The following INF2 variants were observed in gnomAD, a reference collection of about 807,000 sequenced individuals.
The protein encoded by INF2 is inverted formin-2.
Under a neutral mutation model 123.5 loss-of-function variants are expected in INF2, and 43 were observed. The observed-to-expected ratio is 0.35, with a 90% CI of 0.27 to 0.45. INF2 has a LOEUF of 0.45. INF2 is among the 20% of genes least tolerant of loss of function. The pLI is 1.00. For missense variants in INF2, 1,453 were observed against 1,682.7 expected, an observed-to-expected ratio of 0.86 and a Z score of 2.39; for synonymous variants, 851 against 745.0, an observed-to-expected ratio of 1.14 and a Z score of -2.32.
intron 1 of INF2, among the ~76,000 whole-genome samples, chr14:104,698,273 C>T (rs150768446): frequency 3.9e-5 from 6 of 152,354 alleles, no homozygotes; most frequent in East Asian, 1.9e-4. Flanking sequence ...CCCATAGCCC[C>T]GTGCCCCTGA....
exon 1 of INF2, chr14:104,681,423 T>G: frequency 1.9e-6 from 1 of 513,632 alleles, no homozygotes; most frequent in Non-Finnish European, 3.6e-6. Context: ...ATGTCACATC[T>G]GGCTCTCAGA....
At chr14:104,703,560 C>A in intron 4 of INF2, 106 bp downstream of exon 4, 1 of 1,443,904 alleles carries the variant, frequency 6.9e-7, no homozygotes. Context: ...AAGCTGCCCC[C>A]GACCCAGGGC....
At chr14:104,710,357 G>T (rs1595174690) in intron 13 of INF2, among the ~76,000 whole-genome samples, 169 bp downstream of exon 13, 1 of 46,466 alleles carries the variant, frequency 2.2e-5, no homozygotes, top group Non-Finnish European at 6.0e-5. Flanking sequence ...CCACCACCTC[G>T]GTGCACACAC....
At chr14:104,690,990 G>GCC (rs1294263902) in intron 1 of INF2, among the ~76,000 whole-genome samples, 19 of 151,834 alleles carry the variant, frequency 1.3e-4, no homozygotes, top group African/African-American at 4.4e-4. Context: ...GGTTGGTGCA[G>GCC]TGGGCCCTGC....
intron 10 of INF2, 45 bp downstream of exon 10, chr14:104,708,777 C>A: frequency 6.3e-7 from 1 of 1,594,402 alleles, no homozygotes; most frequent in Non-Finnish European, 8.6e-7. Flanking sequence ...GGAGCCTCGC[C>A]TCCACCTGAG....
chr14:104,689,866 C>A, intron 1 of INF2, 127 bp downstream of exon 1: 1 of 492,232 alleles, frequency 2.0e-6, no homozygotes, highest in Non-Finnish European at 2.6e-6. Context: ...TGGCGGCGGG[C>A]GGTCCGGCGG....
chr14:104,716,486 AG>A (rs1273763657), intron 22 of INF2, among the ~76,000 whole-genome samples: 1 of 152,140 alleles, frequency 6.6e-6, no homozygotes, highest in African/African-American at 2.4e-5. Context: ...CCTGAGTGTG[AG>A]GAACAGTGGA....
upstream of INF2, among the ~76,000 whole-genome samples, chr14:104,686,251 A>G (rs1357704320): frequency 1.4e-5 from 2 of 147,380 alleles, no homozygotes; most frequent in African/African-American, 5.1e-5. Context: ...GGGTGGGTGG[A>G]TAGATGAATG....
chr14:104,703,226 C>T lies in INF2; in HGVS notation c.507+6C>T, dbSNP rs749868411. The T allele has an allele frequency of 9.8e-5, 158 of 1,612,862 alleles. No homozygotes were observed. Among genetic ancestry groups the T allele is most frequent in the Non-Finnish European group, 1.2e-4 (145 of 1,179,696 alleles). On this transcript the variant is annotated splice_donor_region_variant and intron_variant, in intron 3 of 22. Transcript: ENST00000392634. ...ACGCCCTGGACCACTACAAGGTGGG[C>T]GGCAGGGCCTGGGCCTGGGCACATG...
intron 2 of INF2, 128 bp downstream of exon 2, chr14:104,701,884 C>T (rs1196497588): frequency 4.8e-6 from 5 of 1,048,224 alleles, no homozygotes; most frequent in Non-Finnish European, 6.7e-6. Flanking sequence ...GCAAGGAGGG[C>T]TTCCTGGAGG....
intron 1 of INF2, chr14:104,681,622 G>A (rs1016173085): frequency 5.8e-5 from 75 of 1,285,648 alleles, no homozygotes; most frequent in Middle Eastern, 2.1e-4. Flanking sequence ...TGGGGTAGCC[G>A]AGAAAGCAGA....
Position 104,699,360 on chromosome 14 carries a change from C to G in INF2, c.-9-1997C>G, listed in dbSNP as rs947470827. The G allele has an allele frequency of 1.4e-5, 14 of 982,576 alleles. No homozygotes were observed. Among genetic ancestry groups the G allele is most frequent in the Non-Finnish European group, 1.7e-5 (14 of 827,546 alleles). 60.9% of individuals were successfully genotyped at this position (982,576 alleles called of 1,614,324 possible). On this transcript the variant is annotated intron_variant, in intron 1 of 22. Coordinates refer to ENST00000392634, the MANE Select transcript of INF2 (RefSeq NM_022489.4). The surrounding 1 kb of genome is among the most constrained non-coding windows in gnomAD (Gnocchi z 4.7). ...GTTCTGGGGCCTCTTTAGGCAGCAA[C>G]AGCCAAGGCGGGTGGGAATATATGC...
chr14:104,712,932 C>T lies in INF2; in HGVS notation c.2715C>T (p.Ser905=). The change falls in exon 18 of 23, where the codon TCC becomes TCT. Residue 905 remains serine, a synonymous_variant. Transcript: ENST00000392634. ...TGTGTGAGGACGCCCAGCAGCTGTC[C>T]CTGGAGGACACGTTCAGCACCATGA... is the stretch of plus-strand genomic sequence containing the variant. ...DYLCEDAQQL[S]LEDTFSTMKA... 1 of 1,612,704 alleles carries T rather than the reference C, an allele frequency of 6.2e-7. No individual in the cohort carries two copies. The highest frequency in any genetic ancestry group is 1.6e-4 in the Middle Eastern group (1 of 6,062).
intron 21 of INF2, 56 bp downstream of exon 21, chr14:104,714,912 C>A: frequency 6.9e-7 from 1 of 1,455,116 alleles, no homozygotes; most frequent in Non-Finnish European, 9.1e-7. Flanking sequence ...GGCACCCAGC[C>A]GGTCCCTCCC....
At chr14:104,710,784 C>A in intron 13 of INF2, 153 bp from the exon 14 acceptor site, 1 of 660,440 alleles carries the variant, frequency 1.5e-6, no homozygotes, top group Non-Finnish European at 2.6e-6. Flanking sequence ...TTGCAGCCCC[C>A]AGGCCCTGTC....
upstream of INF2, chr14:104,689,130 G>A (rs760498259): frequency 1.5e-4 from 133 of 876,062 alleles, no homozygotes; most frequent in Non-Finnish European, 1.8e-4. Flanking sequence ...CTGGTTGATG[G>A]GTAGGCTCTC....
rs371991103 is a variant in INF2 at position 104,708,430 on chromosome 14, C to T, written c.1736-6C>T. On this transcript the variant is annotated splice_polypyrimidine_tract_variant and splice_region_variant and intron_variant, in intron 8 of 22. Transcript: ENST00000392634. The stretch of plus-strand genomic sequence containing the variant: ...GAGCCTCACTGGCCGTGTCCCCACC[C>T]GACAGAGCACAACTCTATGTGGGCG... 322 of 1,611,500 alleles carry T rather than the reference C, an allele frequency of 2.0e-4. 1 individual carries two copies. In the Middle Eastern group the frequency reaches 2.6e-3, roughly 13 times the overall value.
chr14:104,711,301 T>A, intron 15 of INF2, 115 bp downstream of exon 15: 1 of 903,340 alleles, frequency 1.1e-6, no homozygotes, highest in Non-Finnish European at 1.7e-6. Flanking sequence ...GGTCTCCCTG[T>A]CTCAGGGCTC....
At chr14:104,681,558 A>T (rs1227119591) in exon 1 of INF2, 1 of 1,288,984 alleles carries the variant, frequency 7.8e-7, no homozygotes, top group East Asian at 5.5e-5. Flanking sequence ...CTGGATTTCC[A>T]CTTCAATTGG....
Sources: gnomAD v4.1 joint callset for allele counts (sites outside exome capture counted in the v4.1 genomes callset) on GRCh38, gnomAD v4.1.1 for gene constraint, Gnocchi (gnomAD v3.1) non-coding constraint, MANE v1.5 for transcripts, NCBI Gene and HGNC (gene_info 2026-07-23, HGNC 2026-07-21) for gene names.